Variants in CACNA1B observed in about 807,000 individuals in gnomAD.
CACNA1B encodes voltage-dependent N-type calcium channel subunit alpha-1B.
CACNA1B carries 70 observed loss-of-function variants against 247.2 expected under a neutral mutation model. The observed-to-expected ratio is 0.28, with a 90% confidence interval of 0.23 to 0.35. The LOEUF (loss-of-function observed/expected upper bound fraction) is 0.35, where lower values mean the gene tolerates loss of function less well. Ranked by LOEUF, CACNA1B falls within the 10% of genes least tolerant of loss-of-function variation. The probability of loss-of-function intolerance (pLI) is 1.00; values close to 1 mark genes in which losing one functional copy is unlikely to be tolerated. For missense variants in CACNA1B, 2,367 were observed against 3,197.4 expected (o/e 0.74, Z 6.26); for synonymous variants, 1,231 against 1,294.4 (o/e 0.95, Z 1.05).
At chr9:137,922,869 C>T (rs1957503018) in intron 6 of CACNA1B, among the ~76,000 whole-genome samples, 1 of 152,092 alleles carries the variant, frequency 6.6e-6, no homozygotes, top group Non-Finnish European at 1.5e-5. Flanking sequence ...ACAGTGAAGA[C>T]GTAGAGCATC....
chr9:138,123,667 A>C lies in CACNA1B; in HGVS notation c.*1668A>C, dbSNP rs1441524488. The C allele has an allele frequency of 6.6e-6, 1 of 152,018 alleles. No homozygotes were observed. The highest frequency in any genetic ancestry group is 1.5e-5 in the Non-Finnish European group (1 of 68,034). 9.4% of individuals were successfully genotyped at this position (152,018 alleles called of 1,614,324 possible). On this transcript the variant is annotated 3_prime_UTR_variant, in exon 47 of 47. Coordinates refer to ENST00000371372, the MANE Select transcript of CACNA1B (RefSeq NM_000718.4). Reference sequence around the variant, plus strand: ...CATTAACCCATAGGGCTATGCAACAAAAGACACATTTAATAGAAGTAAAAC... The same window carrying C: ...CATTAACCCATAGGGCTATGCAACACAAGACACATTTAATAGAAGTAAAAC...
Position 137,939,643 on chromosome 9 carries a change from CA to C in CACNA1B, c.967-12621del, listed in dbSNP as rs962961203. On this transcript the variant is annotated intron_variant, in intron 6 of 46. Coordinates refer to ENST00000371372, the MANE Select transcript of CACNA1B (RefSeq NM_000718.4). ...TGAAACCCCGTCTCTACCAAAAATA[CA>C]AAAAAAAAATTAGCTGGGCATGGTG... Among the ~76,000 whole-genome samples the C allele has an allele frequency of 2.9e-4, 43 of 146,300 alleles. 1 individual carries two copies. The Middle Eastern group carries it at 0.01, about 36-fold the overall frequency.
At chr9:137,908,565 A>T (rs1957322922) in intron 3 of CACNA1B, among the ~76,000 whole-genome samples, 2 of 152,256 alleles carry the variant, frequency 1.3e-5, no homozygotes, top group South Asian at 4.2e-4. Flanking sequence ...ATATAACTTA[A>T]CACACCATAT....
intron 3 of CACNA1B, among the ~76,000 whole-genome samples, chr9:137,901,520 T>G (rs1405723217): frequency 6.6e-6 from 1 of 151,980 alleles, no homozygotes; most frequent in East Asian, 1.9e-4. Flanking sequence ...GCGATGGGGT[T>G]ATTATTATTT....
At chr9:138,079,244 G>A (rs1960431432) in intron 36 of CACNA1B, among the ~76,000 whole-genome samples, 1 of 152,098 alleles carries the variant, frequency 6.6e-6, no homozygotes, top group Non-Finnish European at 1.5e-5. Flanking sequence ...GAACTTTGGT[G>A]AGCACTGACG....
chr9:138,020,770 AGCCTG>A lies in CACNA1B; in HGVS notation c.2268-2236_2268-2232del, dbSNP rs1272579723. Among the ~76,000 whole-genome samples the A allele has an allele frequency of 6.6e-6, 1 of 152,200 alleles. No individual in the cohort carries two copies. The highest frequency in any genetic ancestry group is 2.4e-5 in the African/African-American group (1 of 41,448). ...TGACAGCGCCCTCAGCCCAGCAGAC[AGCCTG>A]GCCTTTCCCTGCTCCAGGTGTTTCC... is the stretch of plus-strand genomic sequence containing the variant. On this transcript the variant is annotated intron_variant, in intron 18 of 46. Transcript: ENST00000371372. The surrounding 1 kb of genome is among the most constrained non-coding windows in gnomAD (Gnocchi z 4.1).
At chr9:138,067,590 TTGGGAGGC>T (rs1959964596) in intron 31 of CACNA1B, among the ~76,000 whole-genome samples, 2 of 152,324 alleles carry the variant, frequency 1.3e-5, no homozygotes, top group South Asian at 4.1e-4. Context: ...TTCTAGCTAC[TTGGGAGGC>T]TGAGGCACAA....
chr9:138,066,815 A>G (rs1959935807), intron 31 of CACNA1B, among the ~76,000 whole-genome samples: 1 of 152,250 alleles, frequency 6.6e-6, no homozygotes, highest in African/African-American at 2.4e-5. Flanking sequence ...TAATGAGTTT[A>G]GCATCTAACT....
In CACNA1B at chr9:138,120,720, C is replaced by A; in HGVS notation, c.6328C>A (p.Arg2110=). The A allele has an allele frequency of 6.5e-7, 1 of 1,534,122 alleles. No individual in the cohort carries two copies. The highest frequency in any genetic ancestry group is 1.2e-5 in the South Asian group (1 of 81,840). ...ACGAGAGCGCCGGCAGGAGCGGGGCCGGTCCCAGGAGCGGAGGCAGCCCTC... is the reference window on the plus strand; with the variant it reads ...ACGAGAGCGCCGGCAGGAGCGGGGCAGGTCCCAGGAGCGGAGGCAGCCCTC... ...RERERRQERG[R]SQERRQPSSS... is the part of the protein sequence containing the mutation. The change falls in exon 46 of 47, where the codon CGG becomes AGG. Residue 2110 remains arginine, a synonymous_variant. Coordinates refer to ENST00000371372, the MANE Select transcript of CACNA1B (RefSeq NM_000718.4).
intron 6 of CACNA1B, among the ~76,000 whole-genome samples, chr9:137,920,735 A>G (rs1382842308): frequency 6.6e-6 from 1 of 152,216 alleles, no homozygotes; most frequent in Non-Finnish European, 1.5e-5. Context: ...TGAAGATCCA[A>G]GTTTGAAAGT....
At chr9:138,068,760 G>A in intron 31 of CACNA1B, 1 of 429,694 alleles carries the variant, frequency 2.3e-6, no homozygotes, top group Non-Finnish European at 4.7e-6. Context: ...GGCACAAAGT[G>A]GAGGGTGCCT....
intron 5 of CACNA1B, among the ~76,000 whole-genome samples, chr9:137,915,115 C>T (rs1957395843): frequency 6.6e-6 from 1 of 152,242 alleles, no homozygotes; most frequent in African/African-American, 2.4e-5. Flanking sequence ...CGAGCAGCAT[C>T]TGAATGCAGG....
intron 10 of CACNA1B, among the ~76,000 whole-genome samples, chr9:137,967,839 A>G (rs1958099338): frequency 6.6e-6 from 1 of 151,902 alleles, no homozygotes; most frequent in Non-Finnish European, 1.5e-5. Context: ...TTGTCTCATT[A>G]TTCTGTCTCC....
chr9:138,081,164 G>A (rs946821700), intron 36 of CACNA1B, among the ~76,000 whole-genome samples: 36 of 152,170 alleles, frequency 2.4e-4, no homozygotes, highest in African/African-American at 8.0e-4. Flanking sequence ...GCACCTGGCC[G>A]CAGAGATGGG....
At position 137,913,029 on chromosome 9, in the gene CACNA1B, C is replaced by T; in HGVS notation, c.531-151C>T. 1.6e-6 allele frequency: 1 copy of T among 630,290 alleles called. No homozygotes were observed. The highest frequency in any genetic ancestry group is 2.8e-6 in the Non-Finnish European group (1 of 352,936). 39.0% of individuals were successfully genotyped at this position (630,290 alleles called of 1,614,324 possible). The stretch of plus-strand genomic sequence containing the variant: ...CCTGTGGTTGGACAGTGGGGGGACA[C>T]AGGTGCTGGCCCTGTGGTTGGACAG... On this transcript the variant is annotated intron_variant, in intron 3 of 46. Transcript: ENST00000371372. This position sits in a 1 kb window ranked among gnomAD's most constrained non-coding sequence, Gnocchi z 5.2.
At chr9:137,941,817 T>C (rs1401641543) in intron 6 of CACNA1B, among the ~76,000 whole-genome samples, 3 of 152,166 alleles carry the variant, frequency 2.0e-5, no homozygotes, top group East Asian at 3.8e-4. Context: ...TCTTACCTTA[T>C]AAAAAATCAA....
intron 6 of CACNA1B, among the ~76,000 whole-genome samples, chr9:137,926,631 C>T (rs903046229): frequency 1.5e-4 from 23 of 152,158 alleles, no homozygotes; most frequent in Non-Finnish European, 3.2e-4. Context: ...AATAGTTGTA[C>T]CATTTGACAT....
chr9:137,903,256 C>T (rs1957260015), intron 3 of CACNA1B, among the ~76,000 whole-genome samples: 1 of 152,060 alleles, frequency 6.6e-6, no homozygotes, highest in South Asian at 2.1e-4. Context: ...CATGGTGGTG[C>T]GCGCCTGTAG....
At position 137,891,929 on chromosome 9, in the gene CACNA1B, G is replaced by A. The variant is rs1170685084; in HGVS notation, c.530+9046G>A. 1.2e-5 allele frequency: 5 copies of A among 405,998 alleles called. No individual in the cohort carries two copies. The highest frequency in any genetic ancestry group is 2.5e-5 in the Non-Finnish European group (5 of 200,904). The allele number at this position is 405,998 out of a possible 1,614,324, so 25.1% of individuals were successfully genotyped here. On this transcript the variant is annotated intron_variant, in intron 3 of 46. Coordinates refer to ENST00000371372, the MANE Select transcript of CACNA1B (RefSeq NM_000718.4). This position sits in a 1 kb window ranked among gnomAD's most constrained non-coding sequence, Gnocchi z 4.3. ...TGTGAGCTCCTTTCTCCAGGGCTGG[G>A]CAGGCCCTTCTAGCCAATGCCACCC...
Sources: gnomAD v4.1 joint callset for allele counts (sites outside exome capture counted in the v4.1 genomes callset) on GRCh38, gnomAD v4.1.1 for gene constraint, Gnocchi (gnomAD v3.1) non-coding constraint, MANE v1.5 for transcripts, NCBI Gene and HGNC (gene_info 2026-07-23, HGNC 2026-07-21) for gene names.